The following FGF13 variants were observed in gnomAD, a reference collection of about 807,000 sequenced individuals.
FGF13 encodes the protein fibroblast growth factor 13.
FGF13 carries 2 observed loss-of-function variants against 19.5 expected under a neutral mutation model. That is an observed-to-expected ratio of 0.10 (90% CI 0.04 to 0.32). The LOEUF is 0.32. Among genes scored for constraint, FGF13 ranks in the 10% least tolerant of loss-of-function variants. The pLI is 1.00. For synonymous variants in FGF13, 72 were observed against 76.9 expected (o/e 0.94, Z 0.33); for missense variants, 113 against 192.7 (o/e 0.59, Z 2.45).
At chrX:138,973,524 G>C (rs1459226504) in intron 1 of FGF13, among the ~76,000 whole-genome samples, 1 of 112,025 alleles carries the variant, frequency 8.9e-6, no homozygotes, top group African/African-American at 3.2e-5. Context: ...AATCTGGAAT[G>C]TGGTTTAACT....
rs78885934 is a variant in FGF13, at chrX:138,727,156, A to ATT, written c.28+12084_28+12085dup. On this transcript the variant is annotated intron_variant, in intron 1 of 4. Transcript: ENST00000305414. ...CACATAATGAAAAGGAATAAGATTC[A>ATT]TTTTTTTTTTTTTAACTCAGAGGCT... is the stretch of plus-strand genomic sequence containing the variant. 3.8e-3 allele frequency among the ~76,000 whole-genome samples: 397 copies of ATT among 104,434 alleles called. 3 individuals carry two copies. The highest frequency in any genetic ancestry group is 0.013 in the African/African-American group (388 of 28,844). The allele number at this position is 104,434 out of a possible 115,157, so 90.7% of individuals were successfully genotyped here.
At chrX:139,175,720 T>G (rs1337281894) in intron 1 of FGF13, among the ~76,000 whole-genome samples, 1 of 112,258 alleles carries the variant, frequency 8.9e-6, no homozygotes, top group Non-Finnish European at 1.9e-5. Context: ...TTGTGTATGT[T>G]AAACCAGCCT....
chrX:139,202,716 A>G (rs936837101), intron 1 of FGF13, among the ~76,000 whole-genome samples: 2 of 111,585 alleles, frequency 1.8e-5, no homozygotes, highest in Non-Finnish European at 3.8e-5. Flanking sequence ...GAAAGCTCTG[A>G]GAGATGGGGA....
chrX:138,812,032 C>T, intron 3 of FGF13, among the ~76,000 whole-genome samples: 1 of 109,706 alleles, frequency 9.1e-6, no homozygotes, highest in Non-Finnish European at 1.9e-5. Flanking sequence ...TTTTCAACAC[C>T]CCAAAAAGAA....
At chrX:138,837,632 G>T (rs894010963) in intron 3 of FGF13, among the ~76,000 whole-genome samples, 1 of 112,041 alleles carries the variant, frequency 8.9e-6, no homozygotes, top group African/African-American at 3.2e-5. Flanking sequence ...ACACCAGTCG[G>T]GGTGGCTGCA....
chrX:139,013,133 C>CA (rs1189861233), intron 1 of FGF13, among the ~76,000 whole-genome samples: 1 of 110,988 alleles, frequency 9.0e-6, no homozygotes, highest in African/African-American at 3.3e-5. Context: ...AAATCAAAAT[C>CA]AAAATGCAAT....
At chrX:139,200,288 T>C (rs1412847473) in intron 1 of FGF13, among the ~76,000 whole-genome samples, 1 of 112,358 alleles carries the variant, frequency 8.9e-6, no homozygotes, top group Non-Finnish European at 1.9e-5. Context: ...TGATGAAACC[T>C]ATTATAGTAA....
At chrX:139,088,533 C>T (rs1603193459) in intron 1 of FGF13, among the ~76,000 whole-genome samples, 1 of 97,461 alleles carries the variant, frequency 1.0e-5, no homozygotes, top group South Asian at 5.2e-4. Flanking sequence ...CTCAGCATTA[C>T]TTGCAAGAAA....
intron 1 of FGF13, among the ~76,000 whole-genome samples, chrX:139,194,386 C>T (rs947870816): frequency 1.8e-5 from 2 of 112,030 alleles, no homozygotes. Context: ...CTCCGGTAAA[C>T]ATGCATTATT....
chrX:138,651,682 T>C (rs776664810), intron 3 of FGF13, among the ~76,000 whole-genome samples: 5 of 111,974 alleles, frequency 4.5e-5, no homozygotes, highest in Non-Finnish European at 7.5e-5. Flanking sequence ...ATGAGTGTAC[T>C]CATTATTTTC....
intron 3 of FGF13, among the ~76,000 whole-genome samples, chrX:138,840,233 T>G (rs2091141102): frequency 8.9e-6 from 1 of 112,315 alleles, no homozygotes; most frequent in Admixed American, 9.5e-5. Context: ...ATTAGAGATC[T>G]GAGCAGCTAT....
intron 1 of FGF13, among the ~76,000 whole-genome samples, chrX:138,928,197 T>C (rs1603039031): frequency 9.0e-6 from 1 of 110,997 alleles, no homozygotes; most frequent in Middle Eastern, 4.7e-3. Flanking sequence ...TGTTTAGGGT[T>C]ACATGTACTT....
intron 1 of FGF13, among the ~76,000 whole-genome samples, chrX:139,028,012 CA>C (rs1365391880): frequency 9.0e-6 from 1 of 111,285 alleles, no homozygotes; most frequent in Non-Finnish European, 1.9e-5. Context: ...GTGTCAGTCA[CA>C]CAGAACCCCT....
intron 1 of FGF13, among the ~76,000 whole-genome samples, chrX:138,897,242 T>C (rs1434094496): frequency 9.0e-6 from 1 of 111,652 alleles, no homozygotes; most frequent in Non-Finnish European, 1.9e-5. Context: ...ATTCCTGGGC[T>C]CAAGTGATCT....
chrX:138,849,057 A>AC (rs1208481426), intron 3 of FGF13, among the ~76,000 whole-genome samples: 2 of 111,552 alleles, frequency 1.8e-5, no homozygotes, highest in Non-Finnish European at 3.8e-5. Flanking sequence ...GAGGAAGGGA[A>AC]CAGCAATCAT....
At chrX:138,781,700 T>C (rs370304989) in intron 3 of FGF13, among the ~76,000 whole-genome samples, 3 of 111,593 alleles carry the variant, frequency 2.7e-5, no homozygotes, top group South Asian at 3.8e-4. Flanking sequence ...CAGGACCAGA[T>C]GGATTCACAG....
At chrX:138,911,060 A>G (rs1236290015) in intron 1 of FGF13, among the ~76,000 whole-genome samples, 1 of 111,480 alleles carries the variant, frequency 9.0e-6, no homozygotes, top group East Asian at 2.8e-4. Context: ...AGGTGCTGGG[A>G]TGCTGGGATA....
chrX:139,098,459 G>A (rs1175298298), intron 1 of FGF13, among the ~76,000 whole-genome samples: 2 of 111,124 alleles, frequency 1.8e-5, no homozygotes, highest in African/African-American at 3.3e-5. Context: ...TAGTAAAGAC[G>A]TGGAATCAAA....
At chrX:139,082,660 G>A (rs2083379090) in intron 1 of FGF13, among the ~76,000 whole-genome samples, 1 of 111,466 alleles carries the variant, frequency 9.0e-6, no homozygotes. Context: ...AAGGATTCCT[G>A]AGAGCTTTGA....
Sources: allele counts gnomAD v4.1 joint callset (sites outside exome capture counted in the v4.1 genomes callset), GRCh38; gene constraint gnomAD v4.1.1; transcripts MANE v1.5; gene names NCBI Gene and HGNC (gene_info 2026-07-23, HGNC 2026-07-21).